The following RPH3A variants were observed in gnomAD, a reference collection of about 807,000 sequenced individuals.
RPH3A encodes rabphilin-3A.
In RPH3A, 48 loss-of-function variants were observed where a neutral mutation model predicts 102.2. The observed-to-expected ratio is 0.47, with a 90% CI of 0.37 to 0.60. RPH3A has a LOEUF of 0.60. Ranked by LOEUF, RPH3A falls within the 20% of genes least tolerant of loss-of-function variation. The pLI is 0.00. For synonymous variants in RPH3A, 310 were observed against 324.3 expected (o/e 0.96, Z 0.47); for missense variants, 781 against 910.1 (o/e 0.86, Z 1.83).
chr12:112,696,295 G>A (rs2040351619), intron 1 of RPH3A, among the ~76,000 whole-genome samples: 2 of 152,212 alleles, frequency 1.3e-5, no homozygotes, highest in Admixed American at 1.3e-4. Flanking sequence ...TGCTGTAAAT[G>A]TGTGTGTATG....
intron 1 of RPH3A, among the ~76,000 whole-genome samples, chr12:112,705,583 A>G (rs1353197176): frequency 6.6e-6 from 1 of 152,212 alleles, no homozygotes; most frequent in Non-Finnish European, 1.5e-5. Flanking sequence ...TGTGTGGAAA[A>G]AAGTAGAATA....
intron 1 of RPH3A, among the ~76,000 whole-genome samples, chr12:112,652,497 T>G (rs2039981578): frequency 6.6e-6 from 1 of 152,108 alleles, no homozygotes; most frequent in African/African-American, 2.4e-5. Flanking sequence ...CCAAACCTGT[T>G]GCTCCCTCCA....
At chr12:112,818,224 C>T (rs527507157) in intron 2 of RPH3A, among the ~76,000 whole-genome samples, 4 of 149,342 alleles carry the variant, frequency 2.7e-5, no homozygotes, top group East Asian at 2.0e-4. Flanking sequence ...GGCGAGAATC[C>T]GGGAGGCAGA....
intron 2 of RPH3A, among the ~76,000 whole-genome samples, chr12:112,812,778 A>G (rs1157795835): frequency 6.6e-6 from 1 of 152,110 alleles, no homozygotes; most frequent in Non-Finnish European, 1.5e-5. Context: ...GGAGAGGAGT[A>G]ATGTGTATGT....
chr12:112,584,097 G>A (rs1476489748), intron 1 of RPH3A, among the ~76,000 whole-genome samples: 1 of 152,206 alleles, frequency 6.6e-6, no homozygotes, highest in Non-Finnish European at 1.5e-5. Flanking sequence ...GGACTCAGAA[G>A]TGATTATCGC....
intron 2 of RPH3A, among the ~76,000 whole-genome samples, chr12:112,809,879 G>A (rs981411140): frequency 2.0e-5 from 3 of 152,138 alleles, no homozygotes; most frequent in Non-Finnish European, 2.9e-5. Flanking sequence ...GCCTCAGGGC[G>A]GAGTTGAACA....
chr12:112,891,103 A>G, intron 19 of RPH3A, 100 bp downstream of exon 19: 1 of 1,392,626 alleles, frequency 7.2e-7, no homozygotes, highest in South Asian at 1.4e-5. Flanking sequence ...GTACACTGAG[A>G]CCCAGAGAGG....
intron 2 of RPH3A, among the ~76,000 whole-genome samples, chr12:112,821,665 A>G (rs922569553): frequency 2.6e-5 from 4 of 152,008 alleles, no homozygotes; most frequent in African/African-American, 9.7e-5. Context: ...ACTTCCCCCC[A>G]AGTTCCCAAT....
intron 2 of RPH3A, among the ~76,000 whole-genome samples, chr12:112,808,671 C>T (rs1437570142): frequency 1.3e-5 from 2 of 152,154 alleles, no homozygotes; most frequent in Non-Finnish European, 2.9e-5. Flanking sequence ...TCTAGCATTG[C>T]ATAAAGTGGC....
At chr12:112,672,299 T>C (rs2040138634) in intron 1 of RPH3A, among the ~76,000 whole-genome samples, 1 of 152,178 alleles carries the variant, frequency 6.6e-6, no homozygotes, top group South Asian at 2.1e-4. Context: ...TAGATGGGGC[T>C]CACCCACATT....
intron 1 of RPH3A, among the ~76,000 whole-genome samples, chr12:112,582,383 T>C (rs1285127171): frequency 1.4e-5 from 2 of 147,050 alleles, no homozygotes; most frequent in Admixed American, 6.8e-5. Flanking sequence ...AGTGATAGGA[T>C]TATAGGCATG....
chr12:112,897,020 A>ATGGGGT lies in RPH3A; in HGVS notation c.*246_*251dup, dbSNP rs986046321. 2.0e-6 allele frequency: 1 copy of ATGGGGT among 500,412 alleles called. No individual in the cohort carries two copies. Among genetic ancestry groups the ATGGGGT allele is most frequent in the African/African-American group, 1.9e-5 (1 of 51,982 alleles). The allele number at this position is 500,412 out of a possible 1,614,324, so 31.0% of individuals were successfully genotyped here. A position where few individuals can be genotyped will look rare whatever the true frequency, so the allele number is the denominator to read the frequency against. On this transcript the variant is annotated 3_prime_UTR_variant, in exon 22 of 22. Transcript: ENST00000389385. ...TCATCCCTGGGATGGAGCAATGGGG[A>ATGGGGT]TGGGGTTGGGGAGACGTTTACAAAG...
At position 112,870,149 on chromosome 12, in the gene RPH3A, A is replaced by G. The variant is rs149949242; in HGVS notation, c.796+110A>G. 833 of 1,099,104 alleles carry G rather than the reference A, an allele frequency of 7.6e-4. 7 individuals carry two copies. In the East Asian group the frequency reaches 0.018, roughly 24 times the overall value. The allele number at this position is 1,099,104 out of a possible 1,614,324, so 68.1% of individuals were successfully genotyped here. On this transcript the variant is annotated intron_variant, in intron 10 of 21. Transcript: ENST00000389385. ...ACTTAGGCAGCATTTATTGAGTCCT[A>G]CTGTGTGCCGTGTTCTATTCCAGAT... is the stretch of plus-strand genomic sequence containing the variant.
chr12:112,661,024 C>G (rs2040045078), intron 1 of RPH3A, among the ~76,000 whole-genome samples: 1 of 152,106 alleles, frequency 6.6e-6, no homozygotes, highest in Non-Finnish European at 1.5e-5. Flanking sequence ...TCACTTCTGG[C>G]CTCATAGAGG....
intron 1 of RPH3A, among the ~76,000 whole-genome samples, chr12:112,724,368 A>T (rs1185160235): frequency 3.3e-5 from 5 of 152,210 alleles, no homozygotes; most frequent in Middle Eastern, 3.4e-3. Flanking sequence ...GCTGGCCAAT[A>T]TTTTTTTAAT....
intron 1 of RPH3A, among the ~76,000 whole-genome samples, chr12:112,769,703 A>G (rs1022257996): frequency 6.6e-6 from 1 of 152,234 alleles, no homozygotes; most frequent in Non-Finnish European, 1.5e-5. Flanking sequence ...TAGACTTTAG[A>G]TTCTAAAAAT....
At chr12:112,816,536 T>G (rs368032444) in intron 2 of RPH3A, among the ~76,000 whole-genome samples, 16 of 152,194 alleles carry the variant, frequency 1.1e-4, no homozygotes, top group African/African-American at 2.2e-4. Context: ...GAGTATGCAC[T>G]GGCTTTGAAG....
At chr12:112,725,818 C>T (rs1030396217) in intron 1 of RPH3A, among the ~76,000 whole-genome samples, 3 of 147,248 alleles carry the variant, frequency 2.0e-5, no homozygotes, top group East Asian at 2.0e-4. Flanking sequence ...GTTTTTGAGA[C>T]GGAGTCTTGC....
intron 11 of RPH3A, among the ~76,000 whole-genome samples, chr12:112,875,381 C>T (rs1166839808): frequency 2.0e-5 from 3 of 152,056 alleles, no homozygotes; most frequent in South Asian, 4.1e-4. Context: ...AGCATCTTAC[C>T]CACCCAGTGC....
Sources: allele counts gnomAD v4.1 joint callset (sites outside exome capture counted in the v4.1 genomes callset), GRCh38; gene constraint gnomAD v4.1.1; transcripts MANE v1.5; gene names NCBI Gene and HGNC (gene_info 2026-07-23, HGNC 2026-07-21).